Variants in RAB37 observed in about 807,000 individuals in gnomAD.
RAB37 encodes RAB37, member RAS oncogene family.
In RAB37, 29 loss-of-function variants were observed where a neutral mutation model predicts 33.1. The ratio of observed to expected loss-of-function variants is 0.88; its 90% CI spans 0.65 to 1.20. RAB37 has a LOEUF of 1.20. Among genes scored for constraint, RAB37 ranks in the 50% most tolerant of loss-of-function variants. The pLI is 0.00. For missense variants in RAB37, 299 were observed against 301.1 expected (o/e 0.99, Z 0.05); for synonymous variants, 128 against 119.5 (o/e 1.07, Z -0.47).
chr17:74,737,266 C>T lies in RAB37; in HGVS notation c.-7C>T. ...GGGCCGGCACTGCTCACCTCTCGTC[C>T]AGGGACATGACGGGCACGCCAGGCG... On this transcript the variant is annotated 5_prime_UTR_variant, in exon 1 of 9. Transcript: ENST00000392613. 6.4e-7 allele frequency: 1 copy of T among 1,560,166 alleles called. No individual in the cohort carries two copies. Among genetic ancestry groups the T allele is most frequent in the Non-Finnish European group, 8.6e-7 (1 of 1,159,412 alleles).
At chr17:74,716,275 C>T (rs950171972) in intron 1 of RAB37, among the ~76,000 whole-genome samples, 4 of 152,188 alleles carry the variant, frequency 2.6e-5, no homozygotes, top group African/African-American at 7.2e-5. Flanking sequence ...CCTGCTCTAA[C>T]GCACCTATGT....
chr17:74,716,284 G>A (rs1251241125), intron 1 of RAB37, among the ~76,000 whole-genome samples: 2 of 152,156 alleles, frequency 1.3e-5, no homozygotes, highest in African/African-American at 4.8e-5. Flanking sequence ...ACGCACCTAT[G>A]TATGTATGTA....
At chr17:74,688,824 T>C (rs1222981547) in intron 1 of RAB37, among the ~76,000 whole-genome samples, 1 of 152,200 alleles carries the variant, frequency 6.6e-6, no homozygotes, top group Non-Finnish European at 1.5e-5. Flanking sequence ...CTAGAATTTC[T>C]TGCTTCATGT....
intron 1 of RAB37, chr17:74,698,279 T>G: frequency 1.1e-6 from 1 of 921,260 alleles, no homozygotes; most frequent in Non-Finnish European, 1.7e-6. Context: ...CCTGATTGTG[T>G]GGGTAATCCC....
intron 1 of RAB37, among the ~76,000 whole-genome samples, chr17:74,712,200 C>G (rs141148701): frequency 6.6e-6 from 1 of 152,106 alleles, no homozygotes; most frequent in Non-Finnish European, 1.5e-5. Flanking sequence ...CTTTCCCTGG[C>G]CTCCCTTCAT....
At chr17:74,728,878 GTA>G (rs527912308) in intron 1 of RAB37, among the ~76,000 whole-genome samples, 80 of 151,730 alleles carry the variant, frequency 5.3e-4, no homozygotes, top group African/African-American at 1.9e-3. Flanking sequence ...TGTTCTGTGT[GTA>G]TGTGTGTACA....
At chr17:74,713,257 A>G (rs1474530489) in intron 1 of RAB37, among the ~76,000 whole-genome samples, 1 of 150,600 alleles carries the variant, frequency 6.6e-6, no homozygotes, top group Non-Finnish European at 1.5e-5. Context: ...GTGAGCCGAG[A>G]TCGTGCCACT....
At chr17:74,727,150 C>G (rs964350035) in intron 1 of RAB37, among the ~76,000 whole-genome samples, 1 of 152,230 alleles carries the variant, frequency 6.6e-6, no homozygotes, top group African/African-American at 2.4e-5. Flanking sequence ...CTTGTCTTCT[C>G]CTTGTTCTAA....
At chr17:74,715,883 A>T (rs1337921730) in intron 1 of RAB37, among the ~76,000 whole-genome samples, 1 of 152,110 alleles carries the variant, frequency 6.6e-6, no homozygotes. Flanking sequence ...ACAAAAAATT[A>T]GCCGGGCATG....
chr17:74,723,236 A>G (rs916279259), intron 1 of RAB37, among the ~76,000 whole-genome samples: 1 of 152,130 alleles, frequency 6.6e-6, no homozygotes. Context: ...AGTACCATAC[A>G]CCCCACCTGG....
chr17:74,716,182 C>G (rs1344649131), intron 1 of RAB37, among the ~76,000 whole-genome samples: 1 of 152,276 alleles, frequency 6.6e-6, no homozygotes, highest in African/African-American at 2.4e-5. Flanking sequence ...TGACCATTGA[C>G]CTATACACAA....
At chr17:74,733,151 C>T (rs2034413939), upstream of RAB37, among the ~76,000 whole-genome samples, 1 of 151,850 alleles carries the variant, frequency 6.6e-6, no homozygotes, top group African/African-American at 2.4e-5. Context: ...CCTGGAGCTG[C>T]ACTGTGGTGA....
chr17:74,702,949 C>T, intron 1 of RAB37: 1 of 1,159,076 alleles, frequency 8.6e-7, no homozygotes, highest in Non-Finnish European at 1.3e-6. Flanking sequence ...CCAGACAAAG[C>T]TCAGGCTGGA....
At chr17:74,743,420 G>C (rs1321673453) in intron 5 of RAB37, 80 bp downstream of exon 5, 1 of 1,446,642 alleles carries the variant, frequency 6.9e-7, no homozygotes, top group East Asian at 2.3e-5. Flanking sequence ...TTCCTGCCCT[G>C]TGGAAAGCGG....
intron 1 of RAB37, among the ~76,000 whole-genome samples, chr17:74,728,246 A>G (rs540965386): frequency 1.3e-5 from 2 of 151,270 alleles, no homozygotes; most frequent in South Asian, 4.2e-4. Context: ...ATATGAGGAT[A>G]CATGTTGGTG....
At chr17:74,716,800 C>G (rs755339123) in intron 1 of RAB37, among the ~76,000 whole-genome samples, 1 of 152,166 alleles carries the variant, frequency 6.6e-6, no homozygotes, top group East Asian at 1.9e-4. Flanking sequence ...AATCCCGGAG[C>G]TGGTTGTCAC....
At chr17:74,703,471 G>A (rs1480926231) in intron 1 of RAB37, among the ~76,000 whole-genome samples, 1 of 152,134 alleles carries the variant, frequency 6.6e-6, no homozygotes, top group Non-Finnish European at 1.5e-5. Context: ...TCCACCCCCA[G>A]CCCTATTTAT....
At chr17:74,703,183 C>T in intron 1 of RAB37, 1 of 1,556,902 alleles carries the variant, frequency 6.4e-7, no homozygotes, top group African/African-American at 1.4e-5. Flanking sequence ...ATCACAGATG[C>T]CCCTGCCCAT....
rs796437179 is a variant in RAB37, at chr17:74,718,561, A to G, written c.73-10695A>G. ...GTTTTTAAGCACCTATTAATTGGCT[A>G]GATGTATTTGGAAAAAAAAACAAGC... On this transcript the variant is annotated intron_variant, in intron 1 of 7. Transcript: ENST00000340415. Among the ~76,000 whole-genome samples the G allele has an allele frequency of 2.0e-4, 30 of 152,226 alleles. 1 individual carries two copies. The highest frequency in any genetic ancestry group is 7.2e-4 in the African/African-American group (30 of 41,542).
Sources: allele counts gnomAD v4.1 joint callset (sites outside exome capture counted in the v4.1 genomes callset), GRCh38; gene constraint gnomAD v4.1.1; transcripts MANE v1.5; gene names NCBI Gene and HGNC (gene_info 2026-07-23, HGNC 2026-07-21).